Variants in ABCB11 observed in about 807,000 individuals in gnomAD.
ABCB11 encodes bile salt export pump.
In ABCB11, 95 loss-of-function variants were observed where a neutral mutation model predicts 148.0. The observed-to-expected ratio is 0.64, with a 90% confidence interval of 0.54 to 0.76. ABCB11 has a LOEUF of 0.76. Among genes scored for constraint, ABCB11 ranks in the 30% least tolerant of loss-of-function variants. The pLI is 0.00. For missense variants in ABCB11, 1,523 were observed against 1,617.8 expected (o/e 0.94, Z 1.01); for synonymous variants, 591 against 555.4 (o/e 1.06, Z -0.90).
chr2:168,960,645 A>T (rs1185016001), intron 18 of ABCB11, among the ~76,000 whole-genome samples: 1 of 151,696 alleles, frequency 6.6e-6, no homozygotes, highest in East Asian at 2.0e-4. Flanking sequence ...TAAAAGTTTG[A>T]CTTTAAAGTT....
chr2:169,009,524 A>T (rs1355996249), intron 5 of ABCB11, among the ~76,000 whole-genome samples: 2 of 144,064 alleles, frequency 1.4e-5, no homozygotes, highest in Non-Finnish European at 3.0e-5. Flanking sequence ...TGGGAATTGA[A>T]CAATGAGAAC....
At chr2:168,933,963 G>A (rs1343511549) in intron 23 of ABCB11, among the ~76,000 whole-genome samples, 1 of 152,110 alleles carries the variant, frequency 6.6e-6, no homozygotes, top group African/African-American at 2.4e-5. Flanking sequence ...ATGTTGGCCA[G>A]GCTGGTCTTG....
At chr2:169,020,831 C>T (rs1267061982) in intron 1 of ABCB11, among the ~76,000 whole-genome samples, 1 of 152,008 alleles carries the variant, frequency 6.6e-6, no homozygotes, top group African/African-American at 2.4e-5. Flanking sequence ...GGTCGCACAA[C>T]TCTGTTAATA....
chr2:168,963,398 C>T (rs1693160474), intron 18 of ABCB11, among the ~76,000 whole-genome samples: 1 of 151,606 alleles, frequency 6.6e-6, no homozygotes, highest in African/African-American at 2.4e-5. Context: ...AGAAAATTGC[C>T]ATGAAAATTT....
chr2:169,003,845 G>C (rs1039577235), intron 5 of ABCB11, among the ~76,000 whole-genome samples: 1 of 152,072 alleles, frequency 6.6e-6, no homozygotes, highest in South Asian at 2.1e-4. Flanking sequence ...TGATTTGCTT[G>C]GTAGTGGCAA....
rs374228739 is a variant in ABCB11 at position 169,014,278 on chromosome 2, C to T, written c.150+25G>A. ...ACAATTTATAGCTGCACACCCACTG[C>T]CATAAATCAACACAGTTTTATTACC... is the stretch of plus-strand genomic sequence containing the variant. On this transcript the variant is annotated intron_variant, in intron 4 of 27. Transcript: ENST00000650372. 6.8e-6 allele frequency: 11 copies of T among 1,606,448 alleles called. No homozygotes were observed. In the African/African-American group the frequency reaches 8.0e-5, roughly 12 times the overall value.
chr2:168,985,665 T>C (rs1694293812), intron 10 of ABCB11, among the ~76,000 whole-genome samples: 1 of 152,270 alleles, frequency 6.6e-6, no homozygotes, highest in Middle Eastern at 3.4e-3. Context: ...GATTGGAGAC[T>C]GTTATTCTAA....
intron 13 of ABCB11, among the ~76,000 whole-genome samples, chr2:168,972,741 ATAGT>A (rs1693640758): frequency 6.6e-6 from 1 of 152,032 alleles, no homozygotes; most frequent in South Asian, 2.1e-4. Context: ...AAGCCATTAA[ATAGT>A]TAAACGATTC....
chr2:168,935,570 G>T (rs1016125874), intron 22 of ABCB11, 145 bp from the exon 23 acceptor site: 8 of 1,147,680 alleles, frequency 7.0e-6, no homozygotes, highest in Non-Finnish European at 8.5e-6. Flanking sequence ...CAAAGACGTG[G>T]CTGGAGATCA....
intron 1 of ABCB11, among the ~76,000 whole-genome samples, chr2:169,022,236 T>C (rs913060126): frequency 1.3e-5 from 2 of 151,890 alleles, no homozygotes; most frequent in African/African-American, 4.8e-5. Context: ...ATGCAAGATT[T>C]ATAAGATAGA....
In ABCB11 at chr2:169,020,615, A is replaced by G. The variant is rs1051657057; in HGVS notation, c.-27-2463T>C. On this transcript the variant is annotated intron_variant, in intron 1 of 27. Transcript: ENST00000650372. ...CCTCAAAATCATGCTACGTGAAAGA[A>G]GACGGTCTCAAAAGACCACATACTG... is the stretch of plus-strand genomic sequence containing the variant. Among the ~76,000 whole-genome samples the G allele has an allele frequency of 2.9e-4, 44 of 152,282 alleles. No individual in the cohort carries two copies. The Middle Eastern group carries it at 0.017, about 59-fold the overall frequency.
chr2:168,964,069 A>G (rs559423196), intron 18 of ABCB11, 137 bp downstream of exon 18: 33 of 570,348 alleles, frequency 5.8e-5, no homozygotes, highest in Non-Finnish European at 8.7e-5. Context: ...TTAGGTCTTA[A>G]TGCTCTGTCT....
chr2:168,979,672 C>CAAAAA (rs55859131), intron 11 of ABCB11, among the ~76,000 whole-genome samples, 194 bp downstream of exon 11: 1 of 100,108 alleles, frequency 1.0e-5, no homozygotes, highest in Admixed American at 1.3e-4. Context: ...AACTCCATCT[C>CAAAAA]AAAAAAAAAA....
At chr2:168,935,781 C>A (rs1691790971) in intron 22 of ABCB11, among the ~76,000 whole-genome samples, 3 of 152,178 alleles carry the variant, frequency 2.0e-5, no homozygotes, top group Admixed American at 6.5e-5. Flanking sequence ...GGGAAAGACA[C>A]TTGCCCCAAG....
intron 19 of ABCB11, among the ~76,000 whole-genome samples, chr2:168,952,808 T>C (rs890767184): frequency 1.1e-4 from 16 of 151,720 alleles, no homozygotes; most frequent in African/African-American, 3.6e-4. Flanking sequence ...GATTGTTAAT[T>C]TGTGATCTTT....
chr2:168,937,402 C>A (rs1457341184), intron 21 of ABCB11, among the ~76,000 whole-genome samples: 1 of 152,110 alleles, frequency 6.6e-6, no homozygotes, highest in Admixed American at 6.5e-5. Context: ...TGGTAGTCCC[C>A]TGTTCAAAAA....
chr2:168,929,394 A>C (rs148514155), intron 25 of ABCB11, among the ~76,000 whole-genome samples: 1 of 152,194 alleles, frequency 6.6e-6, no homozygotes, highest in East Asian at 1.9e-4. Flanking sequence ...TCATGAAGAC[A>C]AAGAATGCAA....
At chr2:168,935,669 A>C (rs1691787856) in intron 22 of ABCB11, among the ~76,000 whole-genome samples, 2 of 152,280 alleles carry the variant, frequency 1.3e-5, no homozygotes, top group South Asian at 4.1e-4. Flanking sequence ...ACCATCCCTC[A>C]TTTACCCCCC....
In ABCB11 at chr2:168,976,671, C is replaced by G; in HGVS notation, c.1214G>C (p.Cys405Ser). ...ETIDRKPIID[C>S]MSEDGYKLDR... ...CAACTTGTAACCATCTTCTGACATGCAGTCAATGATGGGTTTCTGGAGTGA... is the reference window on the plus strand; with the variant it reads ...CAACTTGTAACCATCTTCTGACATGGAGTCAATGATGGGTTTCTGGAGTGA... Residue 405 changes from cysteine to serine, a missense_variant, in exon 12 of 28, where the codon TGC becomes TCC. Transcript: ENST00000650372. 6.2e-7 allele frequency: 1 copy of G among 1,609,794 alleles called. No individual in the cohort carries two copies. Among genetic ancestry groups the G allele is most frequent in the Non-Finnish European group, 8.5e-7 (1 of 1,176,692 alleles).
Sources: gnomAD v4.1 joint callset for allele counts (sites outside exome capture counted in the v4.1 genomes callset) on GRCh38, gnomAD v4.1.1 for gene constraint, MANE v1.5 for transcripts, NCBI Gene and HGNC (gene_info 2026-07-23, HGNC 2026-07-21) for gene names.